The following GAB2 variants were observed in gnomAD, a reference collection of about 807,000 sequenced individuals.
GAB2 encodes GRB2-associated-binding protein 2.
GAB2 carries 26 observed loss-of-function variants against 65.5 expected under a neutral mutation model. The observed-to-expected ratio is 0.40, with a 90% confidence interval of 0.29 to 0.55. The LOEUF (loss-of-function observed/expected upper bound fraction) is 0.55. Among genes scored for constraint, GAB2 ranks in the 20% least tolerant of loss-of-function variants. The pLI, the probability that GAB2 is intolerant of heterozygous loss-of-function variation, is 0.53. For missense variants in GAB2, 884 were observed against 875.8 expected, an observed-to-expected ratio of 1.01 and a Z score of -0.12; for synonymous variants, 321 against 329.6, an observed-to-expected ratio of 0.97 and a Z score of 0.28.
At position 78,369,499 on chromosome 11, in the gene GAB2, T is replaced by G. The variant is rs371724674; in HGVS notation, c.75+48147A>C. 6.6e-5 allele frequency among the ~76,000 whole-genome samples: 10 copies of G among 152,242 alleles called. 1 individual carries two copies. In the East Asian group the frequency reaches 1.2e-3, roughly 18 times the overall value. ...CTTGCATCCCTTATACAGTGTTTTGTGTTCCCATTCTTTCTCATTAGAAGA... is the reference window on the plus strand; with the variant it reads ...CTTGCATCCCTTATACAGTGTTTTGGGTTCCCATTCTTTCTCATTAGAAGA... On this transcript the variant is annotated intron_variant, in intron 1 of 9. Coordinates refer to ENST00000361507, the MANE Select transcript of GAB2 (RefSeq NM_080491.3).
At chr11:78,235,768 G>A (rs1299997116) in intron 3 of GAB2, among the ~76,000 whole-genome samples, 4 of 152,120 alleles carry the variant, frequency 2.6e-5, no homozygotes, top group African/African-American at 9.7e-5. Flanking sequence ...TCGCTATCAG[G>A]CTTTTGGTCA....
At chr11:78,252,691 G>A (rs371642495) in intron 2 of GAB2, among the ~76,000 whole-genome samples, 3 of 152,092 alleles carry the variant, frequency 2.0e-5, no homozygotes, top group African/African-American at 4.8e-5. Context: ...CCTATGTGCT[G>A]ACAACTCTCA....
chr11:78,253,635 G>C (rs1485788081), intron 2 of GAB2, among the ~76,000 whole-genome samples: 3 of 151,966 alleles, frequency 2.0e-5, no homozygotes, highest in Admixed American at 2.0e-4. Context: ...CTTCAACCTT[G>C]TTTCTTACCT....
chr11:78,383,430 G>A (rs1478726752), intron 1 of GAB2, among the ~76,000 whole-genome samples: 1 of 150,876 alleles, frequency 6.6e-6, no homozygotes, highest in Non-Finnish European at 1.5e-5. Context: ...CTACGACAAT[G>A]TCTTTTTCTT....
rs1311172425 is a variant in GAB2, at chr11:78,232,121, GC to G, written c.621-5071del. ...TGTGAAACTAAAAGTTGTATATTTT[GC>G]CTTTGGTCAGTCAATCAAAGCCTCT... On this transcript the variant is annotated intron_variant, in intron 3 of 9. Transcript: ENST00000361507. 3.2e-4 allele frequency among the ~76,000 whole-genome samples: 49 copies of G among 152,350 alleles called. 1 individual carries two copies. The highest frequency in any genetic ancestry group is 2.4e-3 in the Admixed American group (36 of 15,300).
intron 1 of GAB2, among the ~76,000 whole-genome samples, chr11:78,365,660 G>GA (rs1856487085): frequency 6.6e-6 from 1 of 152,184 alleles, no homozygotes; most frequent in Non-Finnish European, 1.5e-5. Flanking sequence ...ATTCTGGGAG[G>GA]TAGGAATGGA....
chr11:78,364,439 C>T (rs1020225414), intron 1 of GAB2, among the ~76,000 whole-genome samples: 1 of 152,180 alleles, frequency 6.6e-6, no homozygotes, highest in African/African-American at 2.4e-5. Flanking sequence ...TCTATAAATA[C>T]AATGAACTTA....
At chr11:78,343,094 ATTAG>A (rs1358399577) in intron 1 of GAB2, among the ~76,000 whole-genome samples, 1 of 152,122 alleles carries the variant, frequency 6.6e-6, no homozygotes, top group African/African-American at 2.4e-5. Flanking sequence ...AAGAATATAA[ATTAG>A]TTACTTTTTT....
intron 2 of GAB2, among the ~76,000 whole-genome samples, chr11:78,251,407 T>A (rs729354): frequency 0.21 from 32,562 of 152,130 alleles, 3,829 homozygotes; most frequent in East Asian, 0.4. Context: ...GTTGTGTTAG[T>A]AAGTGAGGTA....
intron 1 of GAB2, among the ~76,000 whole-genome samples, chr11:78,381,175 T>TA (rs1856693289): frequency 6.6e-6 from 1 of 152,260 alleles, no homozygotes; most frequent in Non-Finnish European, 1.5e-5. Context: ...TCTGTGCCTT[T>TA]AAGTTGTTTC....
At chr11:78,321,945 G>T (rs1257252969) in intron 1 of GAB2, among the ~76,000 whole-genome samples, 3 of 150,872 alleles carry the variant, frequency 2.0e-5, no homozygotes, top group Non-Finnish European at 2.9e-5. Flanking sequence ...ATATGCAGAA[G>T]AATCAAACTG....
chr11:78,315,472 A>G (rs894935916), intron 1 of GAB2, among the ~76,000 whole-genome samples: 4 of 152,236 alleles, frequency 2.6e-5, no homozygotes, highest in African/African-American at 7.2e-5. Context: ...GGATATCCAC[A>G]TGTAAAAAAA....
intron 2 of GAB2, among the ~76,000 whole-genome samples, chr11:78,278,998 T>C (rs982584780): frequency 1.3e-5 from 2 of 151,992 alleles, no homozygotes; most frequent in African/African-American, 4.8e-5. Context: ...CACTTTTTTT[T>C]ACTGAATATG....
rs777943922 is a variant in GAB2 at position 78,280,755 on chromosome 11, G to T, written c.222C>A (p.Thr74=). 2 of 1,614,068 alleles carry T rather than the reference G, an allele frequency of 1.2e-6. No individual in the cohort carries two copies. The highest frequency in any genetic ancestry group is 2.7e-5 in the African/African-American group (2 of 74,934). ...TATCCTGCAGCTCCTTCTTGTTAAA[G>T]GTCAGGCCTGCATCTACCTGCTCAC... is the stretch of plus-strand genomic sequence containing the variant. The part of the protein sequence containing the change: ...NFCEQVDAGL[T]FNKKELQDSF... Residue 74 remains threonine, a synonymous_variant, in exon 2 of 10, where the codon ACC becomes ACA. Coordinates refer to ENST00000361507, the MANE Select transcript of GAB2 (RefSeq NM_080491.3).
In GAB2 at chr11:78,352,562, G is replaced by A. The variant is rs980699658; in HGVS notation, c.75+65084C>T. On this transcript the variant is annotated intron_variant, in intron 1 of 9. Transcript: ENST00000361507. ...CATTTCTCCCTTCACCCTTGTTACA[G>A]AATTCATATTTTGTTCAGAGGACTG... Among the ~76,000 whole-genome samples the A allele has an allele frequency of 5.3e-5, 8 of 152,288 alleles. No individual in the cohort carries two copies. The East Asian group carries it at 1.2e-3, about 22-fold the overall frequency.
At chr11:78,262,117 T>C (rs1865750541) in intron 2 of GAB2, among the ~76,000 whole-genome samples, 1 of 152,162 alleles carries the variant, frequency 6.6e-6, no homozygotes, top group Non-Finnish European at 1.5e-5. Context: ...TAAACTGGTA[T>C]AGTGTGGATG....
intron 2 of GAB2, among the ~76,000 whole-genome samples, chr11:78,270,025 G>A (rs1341614973): frequency 1.3e-5 from 2 of 152,194 alleles, no homozygotes; most frequent in Non-Finnish European, 2.9e-5. Flanking sequence ...GAAGGATCAT[G>A]TTATCTTGCT....
chr11:78,221,488 C>G (rs1439494645), intron 8 of GAB2, among the ~76,000 whole-genome samples, 189 bp downstream of exon 8: 2 of 152,158 alleles, frequency 1.3e-5, no homozygotes, highest in African/African-American at 4.8e-5. Context: ...GTCTTCCTTA[C>G]ATCTGATGAC....
chr11:78,296,675 A>C (rs893435121), intron 1 of GAB2, among the ~76,000 whole-genome samples: 9 of 152,120 alleles, frequency 5.9e-5, no homozygotes, highest in African/African-American at 2.2e-4. Flanking sequence ...CTCAGCTGGG[A>C]ATGTGCACGT....
Sources: allele counts gnomAD v4.1 joint callset (sites outside exome capture counted in the v4.1 genomes callset), GRCh38; gene constraint gnomAD v4.1.1; transcripts MANE v1.5; gene names NCBI Gene and HGNC (gene_info 2026-07-23, HGNC 2026-07-21).